The following EBAG9 variants were observed in gnomAD, a reference collection of about 807,000 sequenced individuals.
EBAG9 encodes estrogen receptor binding site associated antigen 9.
EBAG9 carries 16 observed loss-of-function variants against 30.9 expected under a neutral mutation model. That is an observed-to-expected ratio of 0.52 (90% CI 0.35 to 0.79). EBAG9 has a LOEUF of 0.79. EBAG9 is among the 30% of genes least tolerant of loss of function. EBAG9 has a pLI of 0.01. For synonymous variants in EBAG9, 93 were observed against 82.8 expected (o/e 1.12, Z -0.67); for missense variants, 197 against 242.1 (o/e 0.81, Z 1.24).
Position 109,554,843 on chromosome 8 carries a change from G to C in EBAG9, c.277G>C (p.Asp93His). Residue 93 changes from aspartate (D) to histidine (H), a missense_variant, in exon 4 of 7, where the codon GAC (aspartate) becomes CAC (histidine). Asp to His is a moderately conservative substitution (Grantham distance 81). Transcript: ENST00000337573. ...AAATTCTTTGGAACAACTGGAACCT[G>C]ACTATTTTAAGGACATGACACCAAC... Reference protein sequence around the residue: ...QQNSLEQLEPDYFKDMTPTIR... With the variant: ...QQNSLEQLEPHYFKDMTPTIR... 1 of 1,613,738 alleles carries C rather than the reference G, an allele frequency of 6.2e-7. No individual in the cohort carries two copies. Among genetic ancestry groups the C allele is most frequent in the South Asian group, 1.1e-5 (1 of 91,044 alleles).
intron 1 of EBAG9, among the ~76,000 whole-genome samples, chr8:109,544,974 A>G (rs560218984): frequency 6.6e-6 from 1 of 152,332 alleles, no homozygotes; most frequent in Non-Finnish European, 1.5e-5. Context: ...CAATACATAT[A>G]TAGTATAGGT....
chr8:109,564,575 TATC>T lies in EBAG9; in HGVS notation c.*19_*21del. The T allele has an allele frequency of 6.2e-7, 1 of 1,610,540 alleles. No individual in the cohort carries two copies. Among genetic ancestry groups the T allele is most frequent in the Non-Finnish European group, 8.5e-7 (1 of 1,177,724 alleles). ...ACTTTCATAACACATGTTCAAATTT[TATC>T]ATGCCAGTAGGAGAAATCTCAGCTC... On this transcript the variant is annotated 3_prime_UTR_variant, in exon 7 of 7. Coordinates refer to ENST00000337573, the MANE Select transcript of EBAG9 (RefSeq NM_004215.5).
intron 1 of EBAG9, chr8:109,540,780 C>A (rs532395375): frequency 2.0e-5 from 3 of 152,216 alleles, no homozygotes; most frequent in South Asian, 4.2e-4. Context: ...TAACCCACTT[C>A]AGAGAGTTAT....
chr8:109,542,557 T>A (rs1346157841), intron 1 of EBAG9, among the ~76,000 whole-genome samples: 10 of 152,244 alleles, frequency 6.6e-5, no homozygotes, highest in Non-Finnish European at 1.0e-4. Flanking sequence ...CCACACGTTC[T>A]GTAGTCTCTT....
At chr8:109,555,335 A>G (rs1821577618) in intron 4 of EBAG9, among the ~76,000 whole-genome samples, 1 of 152,238 alleles carries the variant, frequency 6.6e-6, no homozygotes, top group African/African-American at 2.4e-5. Context: ...ATGGCTGCAT[A>G]GTATTCTATG....
chr8:109,544,524 AT>A (rs1821345021), intron 1 of EBAG9, among the ~76,000 whole-genome samples: 1 of 152,220 alleles, frequency 6.6e-6, no homozygotes, highest in Admixed American at 6.5e-5. Context: ...CATTTAGAAA[AT>A]TTAAGAAGTT....
intron 1 of EBAG9, among the ~76,000 whole-genome samples, chr8:109,542,735 T>G (rs1377625039): frequency 1.3e-5 from 2 of 152,034 alleles, no homozygotes; most frequent in East Asian, 1.9e-4. Context: ...GCAATCAAAC[T>G]TTTTTTTCAA....
chr8:109,556,280 A>G (rs1350772697), intron 4 of EBAG9, among the ~76,000 whole-genome samples: 1 of 152,092 alleles, frequency 6.6e-6, no homozygotes, highest in African/African-American at 2.4e-5. Flanking sequence ...TTTCAGCTAT[A>G]CATTTATATT....
At chr8:109,549,918 C>A (rs990710253) in intron 1 of EBAG9, among the ~76,000 whole-genome samples, 3 of 151,968 alleles carry the variant, frequency 2.0e-5, no homozygotes, top group African/African-American at 7.2e-5. Flanking sequence ...TTTCTCCTAT[C>A]CTTTTACTTT....
Position 109,543,135 on chromosome 8 carries a change from CTTTTTTTT to C in EBAG9, c.-16+2698_-16+2705del, listed in dbSNP as rs557388998. Among the ~76,000 whole-genome samples, 63 of 52,880 alleles carry C rather than the reference CTTTTTTTT, an allele frequency of 1.2e-3. No homozygotes were observed. The South Asian group carries it at 0.019, about 16-fold the overall frequency. 34.7% of individuals were successfully genotyped at this position (52,880 alleles called of 152,430 possible). On this transcript the variant is annotated intron_variant, in intron 1 of 6. Coordinates refer to ENST00000337573, the MANE Select transcript of EBAG9 (RefSeq NM_004215.5). ...GAGTACAATTTTTAATATTCTGGTTCTTTTTTTTTTTTTTTTTTTTTTTTTTTTTTTAA... is the reference window on the plus strand; with the variant it reads ...GAGTACAATTTTTAATATTCTGGTTCTTTTTTTTTTTTTTTTTTTTTTTAA...
chr8:109,549,954 A>G (rs1263581898), intron 1 of EBAG9, among the ~76,000 whole-genome samples: 2 of 151,918 alleles, frequency 1.3e-5, no homozygotes, highest in Non-Finnish European at 2.9e-5. Context: ...TTTTTATTTA[A>G]AATGCATTTC....
Position 109,565,622 on chromosome 8 carries a change from T to G in EBAG9, c.*1063T>G, listed in dbSNP as rs943340473. ...GTAGGGGAAAAGTAGACTTCATAGT[T>G]TAAAATCCCATTAACCTTTTCACCG... On this transcript the variant is annotated 3_prime_UTR_variant, in exon 7 of 7. Transcript: ENST00000337573. The G allele has an allele frequency of 6.6e-6, 1 of 152,066 alleles. No homozygotes were observed. The highest frequency in any genetic ancestry group is 1.5e-5 in the Non-Finnish European group (1 of 67,938). 9.4% of individuals were successfully genotyped at this position (152,066 alleles called of 1,614,324 possible).
chr8:109,560,974 A>T (rs2131132340), intron 6 of EBAG9, 45 bp downstream of exon 6: 1 of 1,522,758 alleles, frequency 6.6e-7, no homozygotes, highest in African/African-American at 1.4e-5. Flanking sequence ...GAAGAACTAG[A>T]TTTCTTCCCT....
intron 5 of EBAG9, among the ~76,000 whole-genome samples, chr8:109,558,643 C>T (rs1046558064): frequency 6.6e-6 from 1 of 152,024 alleles, no homozygotes; most frequent in Non-Finnish European, 1.5e-5. Context: ...AATGTCTCCA[C>T]TGCTATTTCC....
chr8:109,545,555 G>A (rs943259309), intron 1 of EBAG9, among the ~76,000 whole-genome samples: 4 of 151,662 alleles, frequency 2.6e-5, no homozygotes, highest in African/African-American at 9.7e-5. Flanking sequence ...AGTAGACGCG[G>A]GATTTCACCA....
intron 1 of EBAG9, among the ~76,000 whole-genome samples, chr8:109,544,341 T>C (rs1821341478): frequency 1.3e-5 from 2 of 152,212 alleles, no homozygotes; most frequent in Non-Finnish European, 1.5e-5. Flanking sequence ...ATGTTTTTTC[T>C]TTTTGTTTTA....
intron 1 of EBAG9, among the ~76,000 whole-genome samples, chr8:109,541,231 G>T (rs900721146): frequency 3.3e-5 from 5 of 152,082 alleles, no homozygotes; most frequent in Admixed American, 1.3e-4. Flanking sequence ...TATTAACATT[G>T]TTCCGTTCTA....
At position 109,550,791 on chromosome 8, in the gene EBAG9, T is replaced by C. The variant is rs1441526027; in HGVS notation, c.-15-19T>C. 5.5e-6 allele frequency: 8 copies of C among 1,466,614 alleles called. No individual in the cohort carries two copies. In the South Asian group the frequency reaches 8.2e-5, roughly 15 times the overall value. The allele number at this position is 1,466,614 out of a possible 1,614,324, so 90.9% of individuals were successfully genotyped here. A position where few individuals can be genotyped will look rare whatever the true frequency, so the allele number is the denominator to read the frequency against. On this transcript the variant is annotated intron_variant, in intron 1 of 6. Transcript: ENST00000337573. ...TGAAATCAATTTAATGCATTTTTTG[T>C]TTTGTGCCTCTTCCACAGGTTTTGA...
intron 6 of EBAG9, 96 bp downstream of exon 6, chr8:109,561,025 A>G (rs1821700803): frequency 4.1e-6 from 4 of 986,256 alleles, no homozygotes; most frequent in Non-Finnish European, 5.9e-6. Flanking sequence ...GCCAAATATT[A>G]TATTTTTCTT....
Sources: gnomAD v4.1 joint callset for allele counts (sites outside exome capture counted in the v4.1 genomes callset) on GRCh38, gnomAD v4.1.1 for gene constraint, MANE v1.5 for transcripts, NCBI Gene and HGNC (gene_info 2026-07-23, HGNC 2026-07-21) for gene names.